Variants in KATNA1 observed in about 807,000 individuals in gnomAD.
KATNA1 encodes katanin catalytic subunit A1.
In KATNA1, 42 loss-of-function variants were observed where a neutral mutation model predicts 62.6. That is an observed-to-expected ratio of 0.67 (90% CI 0.52 to 0.87). KATNA1 has a LOEUF of 0.87. Among genes scored for constraint, KATNA1 ranks in the 40% least tolerant of loss-of-function variants. The probability of loss-of-function intolerance (pLI) is 0.00; values close to 1 mark genes in which losing one functional copy is unlikely to be tolerated. For missense variants in KATNA1, 498 were observed against 612.5 expected (o/e 0.81, Z 1.97); for synonymous variants, 186 against 201.9 (o/e 0.92, Z 0.67).
chr6:149,626,092 T>G (rs927067857), intron 3 of KATNA1, among the ~76,000 whole-genome samples: 1 of 152,098 alleles, frequency 6.6e-6, no homozygotes, highest in Non-Finnish European at 1.5e-5. Flanking sequence ...GCTAGAGAAA[T>G]AATACAAAAT....
chr6:149,637,699 C>T (rs377436321), intron 2 of KATNA1, among the ~76,000 whole-genome samples: 24 of 151,838 alleles, frequency 1.6e-4, no homozygotes, highest in African/African-American at 5.8e-4. Context: ...TGGAGGCAGG[C>T]GCCTGTAATC....
At chr6:149,645,939 C>A (rs1253275229) in intron 1 of KATNA1, among the ~76,000 whole-genome samples, 1 of 151,726 alleles carries the variant, frequency 6.6e-6, no homozygotes, top group African/African-American at 2.4e-5. Context: ...AAAGAACAGG[C>A]AAAATATTGA....
chr6:149,648,862 G>C (rs1354405655), upstream of KATNA1: 2 of 152,262 alleles, frequency 1.3e-5, no homozygotes, highest in African/African-American at 4.8e-5. Context: ...ATAGACCTTG[G>C]TGTAGATGGT....
At chr6:149,637,095 C>T (rs1780091435) in intron 2 of KATNA1, among the ~76,000 whole-genome samples, 1 of 152,038 alleles carries the variant, frequency 6.6e-6, no homozygotes, top group Non-Finnish European at 1.5e-5. Flanking sequence ...TCAACATAAT[C>T]TGCTTCATAA....
intron 4 of KATNA1, among the ~76,000 whole-genome samples, chr6:149,610,939 G>C (rs903311689): frequency 2.0e-5 from 3 of 152,130 alleles, no homozygotes; most frequent in Non-Finnish European, 4.4e-5. Context: ...ACAAAAACTA[G>C]CCGGGCGTGG....
chr6:149,619,911 A>C (rs529277583), intron 4 of KATNA1, among the ~76,000 whole-genome samples: 72 of 152,312 alleles, frequency 4.7e-4, no homozygotes, highest in Non-Finnish European at 7.1e-4. Context: ...CATGGAATCA[A>C]CCTAAGTTCC....
intron 7 of KATNA1, among the ~76,000 whole-genome samples, chr6:149,600,769 G>GT (rs1479648162): frequency 1.4e-5 from 1 of 71,048 alleles, no homozygotes; most frequent in African/African-American, 5.5e-5. Flanking sequence ...GACCCCATCT[G>GT]TAAAAAAAAA....
intron 3 of KATNA1, among the ~76,000 whole-genome samples, chr6:149,628,224 A>T (rs1312744873): frequency 2.0e-5 from 3 of 148,592 alleles, no homozygotes; most frequent in Non-Finnish European, 4.4e-5. Context: ...CAGCCTCCAG[A>T]GTAGCTGGGA....
chr6:149,604,905 T>G (rs1052074365), intron 4 of KATNA1, 123 bp from the exon 5 acceptor site: 1 of 863,644 alleles, frequency 1.2e-6, no homozygotes, highest in African/African-American at 1.7e-5. Context: ...CCAGGCGCAG[T>G]GGCTCACACC....
chr6:149,601,610 C>T lies in KATNA1; in HGVS notation c.872G>A (p.Arg291His), dbSNP rs534743192. The T allele has an allele frequency of 2.6e-5, 42 of 1,606,648 alleles. No individual in the cohort carries two copies. Among genetic ancestry groups the T allele is most frequent in the South Asian group, 1.6e-4 (14 of 89,574 alleles). The part of the protein sequence containing the change: ...KYRGESEKLV[R>H]LLFEMARFYS... ...AACATTCACCATTTCAAACAGAAGA[C>T]GAACAAGCTTCTCAGATTCTCCTCT... Residue 291 changes from arginine to histidine, a missense_variant, in exon 7 of 11, where the codon CGT (arginine) becomes CAT (histidine). Arg to His is a conservative substitution (Grantham distance 29). This residue lies in a region of KATNA1 where 267 missense variants were observed against 372.6 expected (regional missense o/e 0.72). Transcript: ENST00000367411.
At chr6:149,627,691 G>A (rs57012784) in intron 3 of KATNA1, among the ~76,000 whole-genome samples, 68,346 of 150,218 alleles carry the variant, frequency 0.45, 16,936 homozygotes, top group East Asian at 0.81. Context: ...CAAAAAAAAA[G>A]AGAAGGGAAA....
chr6:149,599,229 A>C (rs980034747), intron 7 of KATNA1, among the ~76,000 whole-genome samples: 10 of 152,134 alleles, frequency 6.6e-5, no homozygotes, highest in Non-Finnish European at 1.2e-4. Flanking sequence ...GTACTTTTTC[A>C]ACAAATGGAG....
intron 10 of KATNA1, among the ~76,000 whole-genome samples, chr6:149,595,540 A>G (rs1467935609): frequency 2.0e-5 from 3 of 152,204 alleles, no homozygotes; most frequent in African/African-American, 7.2e-5. Flanking sequence ...ATTCAATAAA[A>G]TGAAGAATAA....
intron 3 of KATNA1, among the ~76,000 whole-genome samples, chr6:149,628,356 G>A (rs766119519): frequency 6.7e-6 from 1 of 149,220 alleles, no homozygotes; most frequent in Non-Finnish European, 1.5e-5. Flanking sequence ...GCATCCGCCC[G>A]CCTCGACCTC....
rs183667921 is a variant in KATNA1, at chr6:149,636,010, G to A, written c.162+2376C>T. Among the ~76,000 whole-genome samples, 557 of 152,036 alleles carry A rather than the reference G, an allele frequency of 3.7e-3. 3 individuals are homozygous for A. The highest frequency in any genetic ancestry group is 0.013 in the African/African-American group (527 of 41,492). On this transcript the variant is annotated intron_variant, in intron 2 of 10. Transcript: ENST00000367411. ...GTGGAGGTTGCAGTGAGCTGAGACC[G>A]CGCCATTGCACTCCAGCCTGGGCAA...
chr6:149,644,361 C>T (rs1028491530), intron 1 of KATNA1, among the ~76,000 whole-genome samples: 1 of 152,036 alleles, frequency 6.6e-6, no homozygotes, highest in Non-Finnish European at 1.5e-5. Context: ...TGGTTCACGC[C>T]TGTAATCCTA....
chr6:149,641,183 T>G (rs1307684572), intron 1 of KATNA1, among the ~76,000 whole-genome samples: 1 of 149,878 alleles, frequency 6.7e-6, no homozygotes, highest in Non-Finnish European at 1.5e-5. Context: ...CCTCGGGTTT[T>G]TTTTTTTTTT....
intron 7 of KATNA1, among the ~76,000 whole-genome samples, chr6:149,598,731 CAA>C (rs1385057973): frequency 2.2e-5 from 3 of 134,128 alleles, no homozygotes; most frequent in East Asian, 3.4e-4. Context: ...GTCTCTAAAA[CAA>C]GAGGAAAGAA....
chr6:149,601,209 G>T (rs1264511904), intron 7 of KATNA1, among the ~76,000 whole-genome samples: 1 of 152,188 alleles, frequency 6.6e-6, no homozygotes, highest in African/African-American at 2.4e-5. Context: ...GCAGTTAATA[G>T]ATCGGAGGTG....
Sources: gnomAD v4.1 joint callset for allele counts (sites outside exome capture counted in the v4.1 genomes callset) on GRCh38, gnomAD v4.1.1 for gene constraint, gnomAD v4.1.1 regional missense constraint, MANE v1.5 for transcripts, NCBI Gene and HGNC (gene_info 2026-07-23, HGNC 2026-07-21) for gene names.